CD4: variants seen among roughly 807,000 people sequenced by gnomAD.
CD4 encodes T-cell surface glycoprotein CD4.
A neutral mutation model predicts 50.5 loss-of-function variants in CD4; 25 were observed. The observed-to-expected ratio is 0.49, with a 90% CI of 0.36 to 0.69. The LOEUF (loss-of-function observed/expected upper bound fraction) is 0.69. CD4 is among the 30% of genes least tolerant of loss of function. The pLI, the probability that CD4 is intolerant of heterozygous loss-of-function variation, is 0.00. For missense variants in CD4, 456 were observed against 548.5 expected (o/e 0.83, Z 1.68); for synonymous variants, 207 against 221.9 (o/e 0.93, Z 0.60).
At chr12:6,817,012 G>T (rs187600871) in intron 6 of CD4, 118 bp from the exon 7 acceptor site, 63 of 804,412 alleles carry the variant, frequency 7.8e-5, no homozygotes, top group Admixed American at 3.9e-4. Context: ...GTTTTTCCTC[G>T]TAGGACTGCA....
intron 1 of CD4, among the ~76,000 whole-genome samples, chr12:6,793,983 T>TATCTATCTATC (rs1942280265): frequency 6.6e-6 from 1 of 151,620 alleles, no homozygotes; most frequent in Non-Finnish European, 1.5e-5. Context: ...TCTATCTATC[T>TATCTATCTATC]ATCTATCTAT....
intron 4 of CD4, 103 bp downstream of exon 4, chr12:6,814,403 G>T: frequency 8.1e-7 from 1 of 1,232,270 alleles, no homozygotes. Flanking sequence ...TACCGCAGCA[G>T]CCCCAAGAGG....
chr12:6,820,615 C>T lies in CD4; in HGVS notation c.*1286C>T, dbSNP rs950253265. 6.6e-6 allele frequency: 1 copy of T among 152,456 alleles called. No individual in the cohort carries two copies. The highest frequency in any genetic ancestry group is 2.1e-4 in the South Asian group (1 of 4,834). The allele number at this position is 152,456 out of a possible 1,614,324, so 9.4% of individuals were successfully genotyped here. A position where few individuals can be genotyped will look rare whatever the true frequency, so the allele number is the denominator to read the frequency against. ...TCTCAGGATCCCCTCTCTTCCTACC[C>T]TTCCTCACCACTTCCCTCAGTCCCA... On this transcript the variant is annotated 3_prime_UTR_variant, in exon 10 of 10. Coordinates refer to ENST00000011653, the MANE Select transcript of CD4 (RefSeq NM_000616.5).
At chr12:6,817,727 CAT>C (rs1246522276) in intron 7 of CD4, among the ~76,000 whole-genome samples, 2 of 145,694 alleles carry the variant, frequency 1.4e-5, no homozygotes, top group Non-Finnish European at 3.0e-5. Context: ...CACGCACACA[CAT>C]CACTCACACA....
chr12:6,801,998 T>C (rs782724793), intron 3 of CD4, among the ~76,000 whole-genome samples: 221 of 147,360 alleles, frequency 1.5e-3, no homozygotes, highest in Admixed American at 2.6e-3. Flanking sequence ...CTCAGCCTCC[T>C]GAGTAGCTGG....
intron 4 of CD4, 27 bp downstream of exon 4, chr12:6,814,327 T>C (rs1223754696): frequency 3.2e-5 from 52 of 1,604,350 alleles, no homozygotes; most frequent in Non-Finnish European, 4.0e-5. Context: ...GGGATGAGGA[T>C]ACCTCCTGCC....
chr12:6,817,046 AAAG>A (rs1943099055), intron 6 of CD4, 81 bp from the exon 7 acceptor site: 6 of 1,228,660 alleles, frequency 4.9e-6, no homozygotes, highest in South Asian at 4.0e-5. Context: ...TAAAAGGCTA[AAAG>A]AAGGTCACCC....
chr12:6,816,563 A>G lies in CD4; in HGVS notation c.955+160A>G, dbSNP rs1943089462. 6.6e-6 allele frequency among the ~76,000 whole-genome samples: 1 copy of G among 152,202 alleles called. No individual in the cohort carries two copies. Among genetic ancestry groups the G allele is most frequent in the South Asian group, 2.1e-4 (1 of 4,828 alleles). The stretch of plus-strand genomic sequence containing the variant: ...CCTCTGGGTTTGGGGCTGGTTTTGA[A>G]CTGAGACATCCATGAGCCAGCCTGG... On this transcript the variant is annotated intron_variant, in intron 6 of 9. Transcript: ENST00000011653. The surrounding 1 kb of genome is among the most constrained non-coding windows in gnomAD (Gnocchi z 4.9).
At chr12:6,801,562 T>C (rs1269707162) in intron 3 of CD4, among the ~76,000 whole-genome samples, 1 of 140,908 alleles carries the variant, frequency 7.1e-6, no homozygotes, top group Admixed American at 6.8e-5. Context: ...ATTATTAGTT[T>C]ATTTATTTAT....
Position 6,800,455 on chromosome 12 carries a change from C to A in CD4, c.198C>A (p.Gly66=), listed in dbSNP as rs782102919. The change falls in exon 3 of 10, where the codon GGC becomes GGA. Residue 66 remains glycine (G), a synonymous_variant. Coordinates refer to ENST00000011653, the MANE Select transcript of CD4 (RefSeq NM_000616.5). ...SNQIKILGNQ[G]SFLTKGPSKL... ...AGATAAAGATTCTGGGAAATCAGGG[C>A]TCCTTCTTAACTAAAGGTAGGGTTG... 19 of 1,613,290 alleles carry A rather than the reference C, an allele frequency of 1.2e-5. No homozygotes were observed. The African/African-American group carries it at 2.1e-4, about 18-fold the overall frequency.
intron 3 of CD4, among the ~76,000 whole-genome samples, chr12:6,800,883 A>G (rs1942523200): frequency 6.6e-6 from 1 of 151,234 alleles, no homozygotes; most frequent in African/African-American, 2.4e-5. Context: ...ACATAGTGAG[A>G]CTCTGTCTCT....
At position 6,798,805 on chromosome 12, in the gene CD4, C is replaced by G. The variant is rs11575091; in HGVS notation, c.-67-1267C>G. 1,186 of 152,456 alleles carry G rather than the reference C, an allele frequency of 7.8e-3. 7 individuals carry two copies. Among genetic ancestry groups the G allele is most frequent in the South Asian group, 0.035 (168 of 4,830 alleles). The allele number at this position is 152,456 out of a possible 1,614,324, so 9.4% of individuals were successfully genotyped here. On this transcript the variant is annotated intron_variant, in intron 1 of 9. Coordinates refer to ENST00000011653, the MANE Select transcript of CD4 (RefSeq NM_000616.5). ...ATGGTTGCAGTTCTGCCTTTGGTGC[C>G]TCGCCTCCTCCAGTTCTTTCACTCA...
At chr12:6,814,415 C>A in intron 4 of CD4, 115 bp downstream of exon 4, 3 of 1,132,460 alleles carry the variant, frequency 2.6e-6, no homozygotes, top group Non-Finnish European at 3.7e-6. Flanking sequence ...CCCAAGAGGA[C>A]CAGGCTGTCA....
At position 6,800,059 on chromosome 12, in the gene CD4, G is replaced by A. The variant is rs901927390; in HGVS notation, c.-67-13G>A. On this transcript the variant is annotated splice_polypyrimidine_tract_variant and intron_variant, in intron 1 of 9. Transcript: ENST00000011653. ...GTAAATGTTTGCTGACTAATGATTG[G>A]CATTTCCCTCAGGCCCTGCCATTTC... is the stretch of plus-strand genomic sequence containing the variant. 8.0e-7 allele frequency: 1 copy of A among 1,249,978 alleles called. No individual in the cohort carries two copies. The allele number at this position is 1,249,978 out of a possible 1,614,324, so 77.4% of individuals were successfully genotyped here. A position where few individuals can be genotyped will look rare whatever the true frequency, so the allele number is the denominator to read the frequency against.
intron 3 of CD4, chr12:6,813,426 G>A (rs897675488): frequency 1.3e-5 from 2 of 150,844 alleles, no homozygotes; most frequent in East Asian, 1.9e-4. Flanking sequence ...TGTTTAATTC[G>A]AGAATTATTC....
chr12:6,806,608 G>T (rs1942767582), intron 3 of CD4, among the ~76,000 whole-genome samples: 1 of 152,082 alleles, frequency 6.6e-6, no homozygotes, highest in Admixed American at 6.6e-5. Context: ...CCAAAAAAAT[G>T]AACAATTCAA....
chr12:6,800,811 C>G (rs373924270), intron 3 of CD4, among the ~76,000 whole-genome samples: 4 of 152,222 alleles, frequency 2.6e-5, no homozygotes, highest in East Asian at 3.9e-4. Context: ...ATAATCCTAG[C>G]ACTGTGGGAG....
At chr12:6,794,935 G>A (rs185200491) in intron 1 of CD4, among the ~76,000 whole-genome samples, 25 of 151,782 alleles carry the variant, frequency 1.6e-4, no homozygotes, top group African/African-American at 5.3e-4. Context: ...TTACAGGCCC[G>A]TACCACTGTG....
In CD4 at chr12:6,817,345, T is replaced by C; in HGVS notation, c.1156+15T>C. ...CAACATCAAGGGTAAGGACCCAGGT[T>C]CCAAGGCCTCTGCCTCCTGGGCTGC... is the stretch of plus-strand genomic sequence containing the variant. On this transcript the variant is annotated intron_variant, in intron 7 of 9. Coordinates refer to ENST00000011653, the MANE Select transcript of CD4 (RefSeq NM_000616.5). 6.5e-7 allele frequency: 1 copy of C among 1,549,616 alleles called. No individual in the cohort carries two copies. Among genetic ancestry groups the C allele is most frequent in the Non-Finnish European group, 8.7e-7 (1 of 1,145,650 alleles).
Sources: gnomAD v4.1 joint callset for allele counts (sites outside exome capture counted in the v4.1 genomes callset) on GRCh38, gnomAD v4.1.1 for gene constraint, Gnocchi (gnomAD v3.1) non-coding constraint, MANE v1.5 for transcripts, NCBI Gene and HGNC (gene_info 2026-07-23, HGNC 2026-07-21) for gene names.